The following NEGR1 variants were observed in gnomAD, a reference collection of about 807,000 sequenced individuals.
NEGR1 encodes the protein IgLON family member 4.
In NEGR1, 10 loss-of-function variants were observed where a neutral mutation model predicts 40.9. That is an observed-to-expected ratio of 0.24 (90% CI 0.15 to 0.42). The LOEUF (loss-of-function observed/expected upper bound fraction) is 0.42. Ranked by LOEUF, NEGR1 falls within the 10% of genes least tolerant of loss-of-function variation. The pLI is 1.00. For synonymous variants in NEGR1, 185 were observed against 166.8 expected (o/e 1.11, Z -0.84); for missense variants, 352 against 438.9 (o/e 0.80, Z 1.77).
intron 6 of NEGR1, among the ~76,000 whole-genome samples, chr1:71,507,110 A>T (rs1418499668): frequency 6.6e-6 from 1 of 152,242 alleles, no homozygotes; most frequent in African/African-American, 2.4e-5. Flanking sequence ...TCCTGCTTCC[A>T]GCAGAGGTAG....
chr1:72,272,316 T>C (rs1372016806), intron 1 of NEGR1, among the ~76,000 whole-genome samples: 2 of 151,836 alleles, frequency 1.3e-5, no homozygotes, highest in Non-Finnish European at 2.9e-5. Context: ...GCTAATAACC[T>C]ACCAAGCACT....
chr1:71,551,408 C>A (rs948816964), intron 6 of NEGR1, among the ~76,000 whole-genome samples: 1 of 151,552 alleles, frequency 6.6e-6, no homozygotes, highest in Admixed American at 6.6e-5. Flanking sequence ...CATATACACA[C>A]AAATGTTTCT....
chr1:71,410,190 G>A (rs2101260964), intron 6 of NEGR1, among the ~76,000 whole-genome samples: 1 of 152,068 alleles, frequency 6.6e-6, no homozygotes, highest in South Asian at 2.1e-4. Flanking sequence ...TATTAGTCCT[G>A]AAATAAACTA....
intron 6 of NEGR1, among the ~76,000 whole-genome samples, chr1:71,494,096 G>T (rs987681145): frequency 6.6e-6 from 1 of 152,156 alleles, no homozygotes; most frequent in Non-Finnish European, 1.5e-5. Context: ...TTCAGCTACT[G>T]GGAGGTGACC....
intron 1 of NEGR1, among the ~76,000 whole-genome samples, chr1:72,249,528 T>C (rs1557597821): frequency 6.6e-6 from 1 of 152,050 alleles, no homozygotes; most frequent in Non-Finnish European, 1.5e-5. Context: ...AAATATGAAG[T>C]CAAGCTTCTG....
intron 3 of NEGR1, among the ~76,000 whole-genome samples, chr1:71,765,042 G>T (rs1038835116): frequency 6.6e-6 from 1 of 151,968 alleles, no homozygotes; most frequent in African/African-American, 2.4e-5. Flanking sequence ...AAAAGGGCAT[G>T]GTCACCGGTG....
intron 4 of NEGR1, among the ~76,000 whole-genome samples, chr1:71,617,750 A>C (rs1378447014): frequency 1.3e-5 from 2 of 152,168 alleles, no homozygotes; most frequent in African/African-American, 4.8e-5. Flanking sequence ...CATGCCCTTA[A>C]CTCACATCTG....
At chr1:71,954,787 A>T (rs1473025895) in intron 1 of NEGR1, among the ~76,000 whole-genome samples, 1 of 152,116 alleles carries the variant, frequency 6.6e-6, no homozygotes, top group Non-Finnish European at 1.5e-5. Flanking sequence ...TACAAGTACA[A>T]TCATACAACC....
At chr1:71,615,281 C>G (rs1228534178) in intron 4 of NEGR1, among the ~76,000 whole-genome samples, 1 of 124,480 alleles carries the variant, frequency 8.0e-6, no homozygotes, top group Non-Finnish European at 2.0e-5. Flanking sequence ...TCAGGGATCA[C>G]ATTAATGAAA....
At chr1:71,734,894 C>G (rs572125627) in intron 3 of NEGR1, among the ~76,000 whole-genome samples, 125 of 144,950 alleles carry the variant, frequency 8.6e-4, no homozygotes, top group Non-Finnish European at 1.7e-3. Flanking sequence ...GCCTGCTCTT[C>G]TTCAGTTACC....
At chr1:71,942,483 A>ATATATAT (rs1168293461) in intron 1 of NEGR1, among the ~76,000 whole-genome samples, 1 of 18,612 alleles carries the variant, frequency 5.4e-5, no homozygotes, top group Non-Finnish European at 9.6e-5. Flanking sequence ...ATATATATAT[A>ATATATAT]TTTTTTTTTT....
chr1:72,022,757 G>T (rs1316597652), intron 1 of NEGR1, among the ~76,000 whole-genome samples: 1 of 152,092 alleles, frequency 6.6e-6, no homozygotes, highest in East Asian at 1.9e-4. Flanking sequence ...CTATAGACTT[G>T]TAAGTATCCA....
chr1:72,205,472 T>C (rs531394240), intron 1 of NEGR1, among the ~76,000 whole-genome samples: 38 of 151,452 alleles, frequency 2.5e-4, no homozygotes, highest in South Asian at 1.7e-3. Flanking sequence ...CCTACCTATA[T>C]TTATATTAGA....
intron 1 of NEGR1, among the ~76,000 whole-genome samples, chr1:72,007,330 A>C (rs1201267225): frequency 6.6e-6 from 1 of 152,010 alleles, no homozygotes; most frequent in African/African-American, 2.4e-5. Flanking sequence ...ATTCTTTTAA[A>C]ACTTTCTTCT....
At chr1:72,268,858 C>T (rs1173221933) in intron 1 of NEGR1, among the ~76,000 whole-genome samples, 2 of 151,102 alleles carry the variant, frequency 1.3e-5, no homozygotes, top group Non-Finnish European at 3.0e-5. Flanking sequence ...GGTTTAAGAA[C>T]GCGAAGAAGG....
At chr1:71,577,414 G>T (rs934560665) in intron 6 of NEGR1, among the ~76,000 whole-genome samples, 1 of 152,148 alleles carries the variant, frequency 6.6e-6, no homozygotes, top group African/African-American at 2.4e-5. Flanking sequence ...TCAAAAAGCT[G>T]TCAACAATGT....
At chr1:71,911,008 G>T (rs1388685024) in intron 2 of NEGR1, among the ~76,000 whole-genome samples, 1 of 152,102 alleles carries the variant, frequency 6.6e-6, no homozygotes, top group Non-Finnish European at 1.5e-5. Flanking sequence ...TAGAGTCTTA[G>T]ATTTTAACCA....
At chr1:71,732,614 G>A (rs1449939686) in intron 3 of NEGR1, among the ~76,000 whole-genome samples, 3 of 152,086 alleles carry the variant, frequency 2.0e-5, no homozygotes. Context: ...AAACCTCTGT[G>A]AGGATGCAGT....
At chr1:71,780,154 C>T (rs1336643819) in intron 2 of NEGR1, among the ~76,000 whole-genome samples, 3 of 150,178 alleles carry the variant, frequency 2.0e-5, no homozygotes, top group Non-Finnish European at 4.4e-5. Flanking sequence ...GACTCCCTCA[C>T]ATCCTTTTCT....
Sources: allele counts gnomAD v4.1 joint callset (sites outside exome capture counted in the v4.1 genomes callset), GRCh38; gene constraint gnomAD v4.1.1; transcripts MANE v1.5; gene names NCBI Gene and HGNC (gene_info 2026-07-23, HGNC 2026-07-21).